Variants in ABLIM3 observed in about 807,000 individuals in gnomAD.
The protein encoded by ABLIM3 is actin binding LIM protein family member 3, also known as actin-binding LIM protein 3.
In ABLIM3, 61 loss-of-function variants were observed where a neutral mutation model predicts 109.5. The observed-to-expected ratio is 0.56, with a 90% CI of 0.45 to 0.69. ABLIM3 has a LOEUF of 0.69. Among genes scored for constraint, ABLIM3 ranks in the 30% least tolerant of loss-of-function variants. The pLI is 0.00. For missense variants in ABLIM3, 796 were observed against 889.5 expected (o/e 0.89, Z 1.34); for synonymous variants, 300 against 324.8 (o/e 0.92, Z 0.82).
intron 6 of ABLIM3, 56 bp from the exon 7 acceptor site, chr5:149,210,670 T>C: frequency 6.7e-7 from 1 of 1,484,440 alleles, no homozygotes; most frequent in Non-Finnish European, 9.4e-7. Flanking sequence ...AAATGCCATG[T>C]GCACCCTCAC....
At chr5:149,226,149 C>A (rs1375278995) in intron 8 of ABLIM3, among the ~76,000 whole-genome samples, 1 of 150,988 alleles carries the variant, frequency 6.6e-6, no homozygotes, top group Non-Finnish European at 1.5e-5. Flanking sequence ...GTGCTGCTGT[C>A]ATAAAGGCAG....
chr5:149,156,015 A>C (rs549034204), intron 2 of ABLIM3, among the ~76,000 whole-genome samples: 1 of 152,252 alleles, frequency 6.6e-6, no homozygotes, highest in African/African-American at 2.4e-5. Context: ...AGGCAGACCT[A>C]GTGCAGCAAT....
In ABLIM3 at chr5:149,231,878, C is replaced by T. The variant is rs140241949; in HGVS notation, c.816+1171C>T. On this transcript the variant is annotated intron_variant, in intron 9 of 23. Transcript: ENST00000309868. The stretch of plus-strand genomic sequence containing the variant: ...TATTTTAAAATAAAACTTTATATTG[C>T]CACGTGAAAACCAGTAATACTTGCT... Among the ~76,000 whole-genome samples, 655 of 152,068 alleles carry T rather than the reference C, an allele frequency of 4.3e-3. 3 individuals carry two copies. The highest frequency in any genetic ancestry group is 7.4e-3 in the Non-Finnish European group (501 of 67,986).
At chr5:149,178,898 C>A (rs1756212237) in intron 2 of ABLIM3, among the ~76,000 whole-genome samples, 1 of 152,018 alleles carries the variant, frequency 6.6e-6, no homozygotes, top group African/African-American at 2.4e-5. Flanking sequence ...GAATTGGGGC[C>A]AAAGAGGTTA....
chr5:149,255,380 A>G (rs1754340350), intron 23 of ABLIM3, among the ~76,000 whole-genome samples: 1 of 152,330 alleles, frequency 6.6e-6, no homozygotes, highest in East Asian at 1.9e-4. Flanking sequence ...TGGAACTTAC[A>G]TTTTTGTGTG....
chr5:149,198,154 G>T lies in ABLIM3; in HGVS notation c.152-65G>T, dbSNP rs1250449874. 2.0e-6 allele frequency: 3 copies of T among 1,502,020 alleles called. No individual in the cohort carries two copies. The highest frequency in any genetic ancestry group is 2.7e-6 in the Non-Finnish European group (3 of 1,108,254). 93.0% of individuals were successfully genotyped at this position (1,502,020 alleles called of 1,614,324 possible). A position where few individuals can be genotyped will look rare whatever the true frequency, so the allele number is the denominator to read the frequency against. ...GAGACACCAGCCTTTCCCCCAGCGAGGACCTTCTGCTTACAGACCCTCCCT... is the reference window on the plus strand; with the variant it reads ...GAGACACCAGCCTTTCCCCCAGCGATGACCTTCTGCTTACAGACCCTCCCT... On this transcript the variant is annotated intron_variant, in intron 3 of 23. Transcript: ENST00000309868. The surrounding 1 kb of genome is among the most constrained non-coding windows in gnomAD (Gnocchi z 4.2).
chr5:149,246,696 G>T (rs1421003848), intron 17 of ABLIM3, 150 bp downstream of exon 17: 9 of 849,946 alleles, frequency 1.1e-5, no homozygotes, highest in East Asian at 2.9e-5. Flanking sequence ...TCAAATGGTG[G>T]AATTAGCTTA....
intron 7 of ABLIM3, among the ~76,000 whole-genome samples, chr5:149,211,212 T>A (rs931145798): frequency 6.6e-6 from 1 of 152,182 alleles, no homozygotes; most frequent in Non-Finnish European, 1.5e-5. Flanking sequence ...TATTTGGTAA[T>A]GTGCTGATTT....
intron 2 of ABLIM3, among the ~76,000 whole-genome samples, chr5:149,161,629 T>C (rs1346853872): frequency 6.6e-6 from 1 of 152,176 alleles, no homozygotes; most frequent in Non-Finnish European, 1.5e-5. Flanking sequence ...GCAGTATTTC[T>C]TTTTTGAGGC....
At chr5:149,143,290 G>A (rs1374504508) in intron 2 of ABLIM3, among the ~76,000 whole-genome samples, 1 of 151,146 alleles carries the variant, frequency 6.6e-6, no homozygotes, top group Non-Finnish European at 1.5e-5. Flanking sequence ...TTGAACCTGG[G>A]AGGCAGAGGT....
intron 2 of ABLIM3, among the ~76,000 whole-genome samples, chr5:149,180,614 AACTC>A (rs145144798): frequency 0.062 from 9,370 of 152,160 alleles, 680 homozygotes; most frequent in African/African-American, 0.17. Flanking sequence ...AATCTGGAAG[AACTC>A]ACACCAACTG....
chr5:149,194,917 A>C (rs572119980), intron 3 of ABLIM3, among the ~76,000 whole-genome samples: 46 of 152,254 alleles, frequency 3.0e-4, no homozygotes, highest in African/African-American at 1.0e-3. Flanking sequence ...TTATTTTATT[A>C]TTCTTCTTTA....
intron 4 of ABLIM3, chr5:149,199,013 A>G (rs762431672): frequency 4.4e-6 from 2 of 456,048 alleles, no homozygotes; most frequent in South Asian, 1.6e-5. Context: ...CCTTTTCATT[A>G]TCATGATGAT....
intron 23 of ABLIM3, among the ~76,000 whole-genome samples, chr5:149,255,919 T>C (rs1056296892): frequency 6.6e-6 from 1 of 152,202 alleles, no homozygotes. Flanking sequence ...TTCACCCTCA[T>C]GGTATTCATG....
intron 3 of ABLIM3, among the ~76,000 whole-genome samples, chr5:149,188,579 G>A (rs1260508721): frequency 6.6e-6 from 1 of 152,212 alleles, no homozygotes; most frequent in African/African-American, 2.4e-5. Flanking sequence ...GCAGATGGCC[G>A]CCATCTTGCT....
chr5:149,254,863 T>C (rs1214015367), intron 23 of ABLIM3, among the ~76,000 whole-genome samples: 2 of 152,094 alleles, frequency 1.3e-5, no homozygotes, highest in Non-Finnish European at 2.9e-5. Context: ...TAGACCAATT[T>C]AATCACAATT....
At chr5:149,183,970 G>GTT (rs1167943646) in intron 3 of ABLIM3, among the ~76,000 whole-genome samples, 1 of 126,206 alleles carries the variant, frequency 7.9e-6, no homozygotes, top group African/African-American at 3.1e-5. Context: ...TTTGTTTTTT[G>GTT]GTTTTTTTTT....
intron 7 of ABLIM3, among the ~76,000 whole-genome samples, chr5:149,216,082 A>G (rs557663673): frequency 2.0e-5 from 3 of 152,298 alleles, no homozygotes; most frequent in South Asian, 4.1e-4. Flanking sequence ...GAGCTGCGGT[A>G]GGGCTGGACA....
chr5:149,231,528 G>C (rs1445799671), intron 9 of ABLIM3, among the ~76,000 whole-genome samples: 1 of 152,188 alleles, frequency 6.6e-6, no homozygotes, highest in Non-Finnish European at 1.5e-5. Flanking sequence ...AAAAGCAAGT[G>C]CACAATTTCT....
Sources: gnomAD v4.1 joint callset for allele counts (sites outside exome capture counted in the v4.1 genomes callset) on GRCh38, gnomAD v4.1.1 for gene constraint, Gnocchi (gnomAD v3.1) non-coding constraint, MANE v1.5 for transcripts, NCBI Gene and HGNC (gene_info 2026-07-23, HGNC 2026-07-21) for gene names.